The following DOCK9 variants were observed in gnomAD, a reference collection of about 807,000 sequenced individuals.
The protein encoded by DOCK9 is dedicator of cytokinesis protein 9.
DOCK9 carries 89 observed loss-of-function variants against 263.3 expected under a neutral mutation model. The ratio of observed to expected loss-of-function variants is 0.34; its 90% CI spans 0.28 to 0.40. The LOEUF (loss-of-function observed/expected upper bound fraction) is 0.40, where lower values mean the gene tolerates loss of function less well. Ranked by LOEUF, DOCK9 falls within the 10% of genes least tolerant of loss-of-function variation. DOCK9 has a pLI of 1.00. For synonymous variants in DOCK9, 976 were observed against 973.1 expected (o/e 1.00, Z -0.06); for missense variants, 2,140 against 2,603.4 (o/e 0.82, Z 3.87).
chr13:99,014,725 G>T (rs1419122097), intron 1 of DOCK9, among the ~76,000 whole-genome samples: 3 of 152,194 alleles, frequency 2.0e-5, no homozygotes, highest in Non-Finnish European at 4.4e-5. Flanking sequence ...AAGGAAAAAT[G>T]GCAAGGCATC....
chr13:98,888,051 C>G, intron 18 of DOCK9, 107 bp downstream of exon 18: 1 of 706,186 alleles, frequency 1.4e-6, no homozygotes, highest in Non-Finnish European at 2.3e-6. Context: ...TGATTTGTGT[C>G]AATTAAAATG....
chr13:98,970,605 C>G (rs889741974), intron 1 of DOCK9, among the ~76,000 whole-genome samples: 1 of 152,176 alleles, frequency 6.6e-6, no homozygotes, highest in Non-Finnish European at 1.5e-5. Context: ...CCCCGGGAAC[C>G]TGGCAGAGCC....
intron 2 of DOCK9, among the ~76,000 whole-genome samples, chr13:98,951,605 G>A (rs141081467): frequency 1.5e-4 from 23 of 152,280 alleles, no homozygotes; most frequent in African/African-American, 5.1e-4. Flanking sequence ...TTATGTGCAC[G>A]GTGCAGACAG....
chr13:99,087,135 G>C (rs897502525), upstream of DOCK9, among the ~76,000 whole-genome samples: 1 of 152,132 alleles, frequency 6.6e-6, no homozygotes, highest in Admixed American at 6.5e-5. Context: ...ACCCGCGGCC[G>C]GCCAGGCGGA....
intron 10 of DOCK9, among the ~76,000 whole-genome samples, chr13:98,903,698 T>C (rs1253565958): frequency 6.6e-6 from 1 of 151,056 alleles, no homozygotes; most frequent in African/African-American, 2.4e-5. Context: ...ATTATGATCA[T>C]GAACAACAAA....
chr13:98,846,069 T>G lies in DOCK9; in HGVS notation c.4062-9A>C. ...CCAACCCCTCCTGGTTCCTGCAACATGAGTGAAATGGGATAGAAGCAAAAG... is the reference window on the plus strand; with the variant it reads ...CCAACCCCTCCTGGTTCCTGCAACAGGAGTGAAATGGGATAGAAGCAAAAG... On this transcript the variant is annotated splice_polypyrimidine_tract_variant and intron_variant, in intron 37 of 52. Transcript: ENST00000682017. 1 of 1,562,330 alleles carries G rather than the reference T, an allele frequency of 6.4e-7. No individual in the cohort carries two copies.
At chr13:98,883,939 G>A (rs772467151) in intron 21 of DOCK9, 40 bp from the exon 22 acceptor site, 50 of 1,459,776 alleles carry the variant, frequency 3.4e-5, no homozygotes, top group Middle Eastern at 3.4e-4. Context: ...CTACAGATTA[G>A]TTATTTTGGC....
At chr13:98,800,185 A>G in intron 50 of DOCK9, 103 bp downstream of exon 50, 1 of 1,261,720 alleles carries the variant, frequency 7.9e-7, no homozygotes. Flanking sequence ...ATCACTTGGT[A>G]AACCGAGGCT....
upstream of DOCK9, chr13:99,088,439 G>A (rs1215688129): frequency 6.6e-6 from 1 of 152,130 alleles, no homozygotes; most frequent in Non-Finnish European, 1.5e-5. Context: ...GTTCTCATTT[G>A]AACTGTTGAC....
intron 30 of DOCK9, 80 bp downstream of exon 30, chr13:98,867,345 T>C (rs2094057340): frequency 1.2e-5 from 10 of 844,480 alleles, no homozygotes; most frequent in East Asian, 2.5e-5. Flanking sequence ...TCAAATATCA[T>C]GTTTGAATCA....
chr13:98,870,909 A>AC (rs2094168064), intron 27 of DOCK9, among the ~76,000 whole-genome samples: 1 of 151,686 alleles, frequency 6.6e-6, no homozygotes, highest in Non-Finnish European at 1.5e-5. Context: ...AAAAAAAAAA[A>AC]AAAAGTCCAA....
Position 99,059,309 on chromosome 13 carries a change from C to T in DOCK9, c.129+26914G>A, listed in dbSNP as rs115540710. On this transcript the variant is annotated intron_variant, in intron 1 of 32. Coordinates refer to the DOCK9 transcript ENST00000427887. ...TGTTCCAGGGACATCTCCACGGGTC[C>T]AGCTGTGGCATGCCGAGGTCATCTT... 6.6e-3 allele frequency among the ~76,000 whole-genome samples: 1,003 copies of T among 152,316 alleles called. 14 individuals carry two copies. Among genetic ancestry groups the T allele is most frequent in the African/African-American group, 0.023 (942 of 41,566 alleles).
intron 1 of DOCK9, among the ~76,000 whole-genome samples, chr13:99,010,012 A>G (rs12873307): frequency 8.2e-4 from 123 of 149,096 alleles, no homozygotes; most frequent in African/African-American, 2.5e-3. Context: ...AAAAAAAAAA[A>G]AGAGAGAGAA....
At chr13:98,997,819 GAATA>G (rs921889357) in intron 1 of DOCK9, among the ~76,000 whole-genome samples, 1 of 152,236 alleles carries the variant, frequency 6.6e-6, no homozygotes, top group Admixed American at 6.5e-5. Flanking sequence ...GATTCTGGGA[GAATA>G]ACTGAGAAGC....
At chr13:98,820,726 T>C in intron 45 of DOCK9, 1 of 405,944 alleles carries the variant, frequency 2.5e-6, no homozygotes, top group Non-Finnish European at 4.8e-6. Flanking sequence ...AGGAACGCCT[T>C]TCTTCTCCAG....
intron 7 of DOCK9, among the ~76,000 whole-genome samples, chr13:98,918,187 T>C (rs1595301217): frequency 6.6e-6 from 1 of 152,272 alleles, no homozygotes; most frequent in East Asian, 1.9e-4. Flanking sequence ...GAGCCCCAAA[T>C]TGCCTCAGCT....
intron 1 of DOCK9, among the ~76,000 whole-genome samples, chr13:98,999,502 A>G (rs1437262423): frequency 6.6e-6 from 1 of 152,186 alleles, no homozygotes; most frequent in Non-Finnish European, 1.5e-5. Flanking sequence ...TGAATTCTCC[A>G]GTTGCCTGAT....
At chr13:99,024,196 A>G (rs1346665168) in intron 1 of DOCK9, among the ~76,000 whole-genome samples, 2 of 152,218 alleles carry the variant, frequency 1.3e-5, no homozygotes, top group Non-Finnish European at 2.9e-5. Flanking sequence ...ATCAGTGAAC[A>G]CATCTGCAAG....
intron 2 of DOCK9, among the ~76,000 whole-genome samples, chr13:98,954,579 C>G (rs1268234589): frequency 6.6e-6 from 1 of 152,210 alleles, no homozygotes; most frequent in African/African-American, 2.4e-5. Flanking sequence ...TTCCAAGGAA[C>G]AGCACCCACA....
Sources: gnomAD v4.1 joint callset for allele counts (sites outside exome capture counted in the v4.1 genomes callset) on GRCh38, gnomAD v4.1.1 for gene constraint, MANE v1.5 for transcripts, NCBI Gene and HGNC (gene_info 2026-07-23, HGNC 2026-07-21) for gene names.